Variants in STX8 observed in about 807,000 individuals in gnomAD.
STX8 encodes syntaxin-8.
In STX8, 23 loss-of-function variants were observed where a neutral mutation model predicts 37.5. The observed-to-expected ratio is 0.61, with a 90% confidence interval of 0.44 to 0.87. STX8 has a LOEUF of 0.87. Ranked by LOEUF, STX8 falls within the 40% of genes least tolerant of loss-of-function variation. The probability of loss-of-function intolerance (pLI) is 0.00; values close to 1 mark genes in which losing one functional copy is unlikely to be tolerated. For missense variants in STX8, 313 were observed against 284.7 expected (o/e 1.10, Z -0.71); for synonymous variants, 115 against 99.1 (o/e 1.16, Z -0.95).
chr17:9,296,084 G>A (rs1279629749), intron 7 of STX8, among the ~76,000 whole-genome samples: 2 of 152,330 alleles, frequency 1.3e-5, no homozygotes, highest in South Asian at 2.1e-4. Context: ...CAGCTACTCA[G>A]GAGGCTGAGG....
intron 2 of STX8, among the ~76,000 whole-genome samples, chr17:9,564,217 C>T (rs909453459): frequency 4.6e-5 from 7 of 151,148 alleles, no homozygotes; most frequent in Non-Finnish European, 8.8e-5. Context: ...TCCTATTCAA[C>T]ATAGTATTGG....
intron 3 of STX8, chr17:9,555,342 T>C (rs1906924084): frequency 6.6e-6 from 1 of 152,168 alleles, no homozygotes; most frequent in African/African-American, 2.4e-5. Context: ...GCAGAAATTA[T>C]TATTAATAGA....
At chr17:9,382,688 C>A (rs911137838) in intron 6 of STX8, among the ~76,000 whole-genome samples, 3 of 152,138 alleles carry the variant, frequency 2.0e-5, no homozygotes, top group Non-Finnish European at 2.9e-5. Flanking sequence ...TAATATCAGA[C>A]CAGACAGACT....
intron 6 of STX8, among the ~76,000 whole-genome samples, chr17:9,427,452 T>C (rs1913678970): frequency 6.6e-6 from 1 of 152,164 alleles, no homozygotes; most frequent in Non-Finnish European, 1.5e-5. Flanking sequence ...GATATATACA[T>C]TCCTGAAAAA....
chr17:9,515,670 G>A (rs1905139856), intron 4 of STX8, among the ~76,000 whole-genome samples: 2 of 152,220 alleles, frequency 1.3e-5, no homozygotes, highest in East Asian at 1.9e-4. Context: ...CTACAGGTGC[G>A]TGCCTCTGCA....
chr17:9,364,833 C>T (rs1911175261), intron 7 of STX8, among the ~76,000 whole-genome samples: 2 of 151,950 alleles, frequency 1.3e-5, no homozygotes, highest in Admixed American at 6.6e-5. Flanking sequence ...CGCGCCTGGC[C>T]GGTATTTGAT....
chr17:9,421,182 C>T (rs556342996), intron 6 of STX8, among the ~76,000 whole-genome samples: 15 of 152,042 alleles, frequency 9.9e-5, no homozygotes, highest in East Asian at 1.9e-4. Flanking sequence ...CACCTGAGGT[C>T]GGGTGTTTGA....
chr17:9,377,302 TC>T (rs1911630254), intron 7 of STX8, among the ~76,000 whole-genome samples: 2 of 150,076 alleles, frequency 1.3e-5, no homozygotes, highest in South Asian at 2.2e-4. Flanking sequence ...CTTTTGTAAT[TC>T]TTTTTTTTTT....
chr17:9,289,437 G>C (rs1908226136), intron 7 of STX8, among the ~76,000 whole-genome samples: 1 of 151,958 alleles, frequency 6.6e-6, no homozygotes, highest in African/African-American at 2.4e-5. Flanking sequence ...AGAAGGACGA[G>C]GACTCCAGGA....
intron 3 of STX8, among the ~76,000 whole-genome samples, chr17:9,546,106 T>C (rs1354713162): frequency 6.6e-6 from 1 of 152,234 alleles, no homozygotes; most frequent in Non-Finnish European, 1.5e-5. Flanking sequence ...AGGATATTTA[T>C]AAAGTGCTAC....
intron 7 of STX8, among the ~76,000 whole-genome samples, chr17:9,375,916 G>C (rs1911564976): frequency 6.6e-6 from 1 of 152,142 alleles, no homozygotes; most frequent in African/African-American, 2.4e-5. Context: ...TCGGGTGTGA[G>C]GCCAGGCTCT....
Position 9,553,233 on chromosome 17 carries a change from G to C in STX8, c.212+4201C>G, listed in dbSNP as rs564738047. On this transcript the variant is annotated intron_variant, in intron 3 of 7. Transcript: ENST00000306357. ...CTATCTCAAAGAAACACTGTGAACA[G>C]ATGTTAAGGTCTTTCAGAAATTTAA... 2.6e-5 allele frequency: 4 copies of C among 152,322 alleles called. No individual in the cohort carries two copies. In the South Asian group the frequency reaches 8.3e-4, roughly 32 times the overall value. The allele number at this position is 152,322 out of a possible 1,614,324, so 9.4% of individuals were successfully genotyped here. A position where few individuals can be genotyped will look rare whatever the true frequency, so the allele number is the denominator to read the frequency against.
intron 7 of STX8, among the ~76,000 whole-genome samples, chr17:9,262,378 C>T (rs1373783102): frequency 1.3e-5 from 2 of 152,226 alleles, no homozygotes; most frequent in Non-Finnish European, 2.9e-5. Context: ...AATTGGGGTT[C>T]AGTCACAGTA....
At chr17:9,471,997 T>A (rs537629679) in intron 6 of STX8, among the ~76,000 whole-genome samples, 1 of 151,950 alleles carries the variant, frequency 6.6e-6, no homozygotes, top group Non-Finnish European at 1.5e-5. Context: ...GAGGGAGACA[T>A]GTACCTCTAT....
At chr17:9,411,902 T>C (rs1204388698) in intron 6 of STX8, among the ~76,000 whole-genome samples, 1 of 152,164 alleles carries the variant, frequency 6.6e-6, no homozygotes, top group Non-Finnish European at 1.5e-5. Context: ...TTCGAGAGGG[T>C]TGCTCATAAT....
intron 7 of STX8, among the ~76,000 whole-genome samples, chr17:9,351,033 A>G (rs536446289): frequency 9.9e-5 from 15 of 151,762 alleles, no homozygotes; most frequent in African/African-American, 3.6e-4. Context: ...CCAACTGTTT[A>G]TGTTGAAAGA....
chr17:9,540,972 G>T (rs1035745728), intron 4 of STX8, among the ~76,000 whole-genome samples: 1 of 152,126 alleles, frequency 6.6e-6, no homozygotes, highest in Admixed American at 6.5e-5. Flanking sequence ...ACAAGCAACA[G>T]CTTTAGTCCA....
chr17:9,546,896 C>T (rs1362651231), intron 3 of STX8, among the ~76,000 whole-genome samples: 1 of 2,504 alleles, frequency 4.0e-4, no homozygotes, highest in East Asian at 0.019. Flanking sequence ...TGCGCCCAGA[C>T]ACAAGTTTTT....
intron 4 of STX8, among the ~76,000 whole-genome samples, chr17:9,538,479 G>T (rs151035519): frequency 6.6e-6 from 1 of 152,260 alleles, no homozygotes; most frequent in East Asian, 1.9e-4. Flanking sequence ...CATTTTTAAT[G>T]TTAGAATTTA....
Sources: allele counts gnomAD v4.1 joint callset (sites outside exome capture counted in the v4.1 genomes callset), GRCh38; gene constraint gnomAD v4.1.1; transcripts MANE v1.5; gene names NCBI Gene and HGNC (gene_info 2026-07-23, HGNC 2026-07-21).